Variants in SLAMF9 observed in about 807,000 individuals in gnomAD.
SLAMF9 encodes SLAM family member 9.
A neutral mutation model predicts 30.4 loss-of-function variants in SLAMF9; 25 were observed. The ratio of observed to expected loss-of-function variants is 0.82; its 90% CI spans 0.60 to 1.15. The LOEUF is 1.15. SLAMF9 is among the 50% of genes most tolerant of loss of function. SLAMF9 has a pLI of 0.00. For missense variants in SLAMF9, 344 were observed against 346.1 expected, an observed-to-expected ratio of 0.99 and a Z score of 0.05; for synonymous variants, 129 against 127.2, an observed-to-expected ratio of 1.01 and a Z score of -0.09.
the SLAMF9 span, among the ~76,000 whole-genome samples, chr1:159,963,742 C>A: frequency 6.6e-6 from 1 of 152,138 alleles, no homozygotes; most frequent in Non-Finnish European, 1.5e-5. Context: ...CCACCTGCAT[C>A]ATAATCAAGC....
chr1:159,968,829 T>C, the SLAMF9 span, among the ~76,000 whole-genome samples: 1 of 152,070 alleles, frequency 6.6e-6, no homozygotes, highest in African/African-American at 2.4e-5. Context: ...GGCAGGTGGA[T>C]CACCTGAGGT....
At chr1:159,971,542 G>A in the SLAMF9 span, among the ~76,000 whole-genome samples, 1 of 152,096 alleles carries the variant, frequency 6.6e-6, no homozygotes, top group Non-Finnish European at 1.5e-5. Context: ...TTATGAGCTG[G>A]TACCCTGGGT....
At chr1:159,958,001 C>G (rs987393646), upstream of SLAMF9, among the ~76,000 whole-genome samples, 22 of 152,186 alleles carry the variant, frequency 1.4e-4, no homozygotes, top group African/African-American at 5.1e-4. Context: ...GACCTTGATG[C>G]GTCTCACAGT....
upstream of SLAMF9, among the ~76,000 whole-genome samples, chr1:159,958,205 G>A (rs987472057): frequency 1.3e-5 from 2 of 152,200 alleles, no homozygotes; most frequent in African/African-American, 2.4e-5. Context: ...AGAGCCTGTC[G>A]GTTAACTGCA....
upstream of SLAMF9, among the ~76,000 whole-genome samples, chr1:159,958,267 A>T (rs1300616852): frequency 2.0e-5 from 3 of 152,202 alleles, no homozygotes; most frequent in Non-Finnish European, 4.4e-5. Flanking sequence ...CGAGGCTGCT[A>T]CAGTGAGTAT....
chr1:159,961,270 T>G, the SLAMF9 span: 1 of 152,204 alleles, frequency 6.6e-6, no homozygotes, highest in Non-Finnish European at 1.5e-5. Context: ...AAGCTGGTCC[T>G]GCTGTGGTGG....
chr1:159,972,823 C>A, the SLAMF9 span: 7 of 901,188 alleles, frequency 7.8e-6, no homozygotes, highest in Non-Finnish European at 1.1e-5. Context: ...AGAGTGAGCA[C>A]AGGATGGGAC....
chr1:159,970,415 G>A, the SLAMF9 span, among the ~76,000 whole-genome samples: 2 of 152,182 alleles, frequency 1.3e-5, no homozygotes, highest in African/African-American at 4.8e-5. Flanking sequence ...TCATCGCACA[G>A]TGTTTTCTTG....
At chr1:159,959,403 G>A in the SLAMF9 span, among the ~76,000 whole-genome samples, 1 of 151,976 alleles carries the variant, frequency 6.6e-6, no homozygotes, top group South Asian at 2.1e-4. Flanking sequence ...CCTCCCCAGA[G>A]GCCTGTCCAA....
chr1:159,959,076 C>A (rs985362000), upstream of SLAMF9, among the ~76,000 whole-genome samples: 6 of 152,122 alleles, frequency 3.9e-5, no homozygotes, highest in Non-Finnish European at 8.8e-5. Context: ...GCTCAGCTTG[C>A]CTCTCTGAAT....
the SLAMF9 span, among the ~76,000 whole-genome samples, chr1:159,971,786 T>A: frequency 6.6e-6 from 1 of 151,968 alleles, no homozygotes; most frequent in Non-Finnish European, 1.5e-5. Context: ...GGACGCAGGG[T>A]CAGGGTCACA....
the SLAMF9 span, among the ~76,000 whole-genome samples, chr1:159,965,246 A>G: frequency 6.6e-6 from 1 of 152,250 alleles, no homozygotes; most frequent in African/African-American, 2.4e-5. Context: ...TCTGATCAGA[A>G]CACTTTATAA....
chr1:159,967,017 TTAC>T, the SLAMF9 span, among the ~76,000 whole-genome samples: 1 of 152,218 alleles, frequency 6.6e-6, no homozygotes, highest in Admixed American at 6.5e-5. Context: ...TTTGCTTTTG[TTAC>T]CTGAGGTGTC....
Position 159,954,223 on chromosome 1 carries a change from A to G in SLAMF9, c.-86T>C. On this transcript the variant is annotated 5_prime_UTR_variant, in exon 1 of 4. Coordinates refer to ENST00000368093, the MANE Select transcript of SLAMF9 (RefSeq NM_033438.4). ...AGACTGCATTAGGAGGCTCCTAGACACAAAGAGCCTGACTGATGGTCCTGA... is the reference window on the plus strand; with the variant it reads ...AGACTGCATTAGGAGGCTCCTAGACGCAAAGAGCCTGACTGATGGTCCTGA... 6.8e-7 allele frequency: 1 copy of G among 1,476,012 alleles called. No homozygotes were observed. The highest frequency in any genetic ancestry group is 9.4e-7 in the Non-Finnish European group (1 of 1,064,358). The allele number at this position is 1,476,012 out of a possible 1,614,324, so 91.4% of individuals were successfully genotyped here. A position where few individuals can be genotyped will look rare whatever the true frequency, so the allele number is the denominator to read the frequency against.
the SLAMF9 span, among the ~76,000 whole-genome samples, chr1:159,959,476 C>G: frequency 1.3e-5 from 2 of 152,068 alleles, no homozygotes; most frequent in Non-Finnish European, 2.9e-5. Flanking sequence ...TGGCCCTTAG[C>G]TACCCATGAC....
chr1:159,983,901 C>T, the SLAMF9 span: 1 of 152,310 alleles, frequency 6.6e-6, no homozygotes, highest in Admixed American at 6.5e-5. Flanking sequence ...TCCTGCATGG[C>T]AGCAAGGGGC....
the SLAMF9 span, among the ~76,000 whole-genome samples, chr1:159,963,965 C>A: frequency 6.6e-6 from 1 of 152,130 alleles, no homozygotes. Flanking sequence ...GAGGCTGAGG[C>A]AGAAGAATCG....
the SLAMF9 span, among the ~76,000 whole-genome samples, chr1:159,968,977 G>A: frequency 6.6e-6 from 1 of 152,130 alleles, no homozygotes; most frequent in African/African-American, 2.4e-5. Flanking sequence ...AGGTTGTAGA[G>A]GTTGCAGTGA....
At chr1:159,978,231 C>T in the SLAMF9 span, among the ~76,000 whole-genome samples, 1 of 152,074 alleles carries the variant, frequency 6.6e-6, no homozygotes, top group African/African-American at 2.4e-5. Context: ...CAGTGACAAC[C>T]ACCTTGTCCT....
Sources: gnomAD v4.1 joint callset for allele counts (sites outside exome capture counted in the v4.1 genomes callset) on GRCh38, gnomAD v4.1.1 for gene constraint, MANE v1.5 for transcripts, NCBI Gene and HGNC (gene_info 2026-07-23, HGNC 2026-07-21) for gene names.